FOCAD: variants seen among roughly 807,000 people sequenced by gnomAD.
The protein encoded by FOCAD is KIAA1797.
A neutral mutation model predicts 225.6 loss-of-function variants in FOCAD; 198 were observed. The observed-to-expected ratio is 0.88, with a 90% CI of 0.78 to 0.99. FOCAD has a LOEUF of 0.99. FOCAD is among the 50% of genes least tolerant of loss of function. FOCAD has a pLI of 0.00. For missense variants in FOCAD, 2,713 were observed against 2,123.6 expected (o/e 1.28, Z -5.46); for synonymous variants, 897 against 755.0 (o/e 1.19, Z -3.08).
At chr9:20,837,838 AC>A (rs1826145493) in intron 15 of FOCAD, among the ~76,000 whole-genome samples, 1 of 152,094 alleles carries the variant, frequency 6.6e-6, no homozygotes, top group Non-Finnish European at 1.5e-5. Context: ...AGACCATCCC[AC>A]CTTCTCCATG....
At chr9:20,775,343 G>T (rs181008354) in intron 8 of FOCAD, among the ~76,000 whole-genome samples, 3 of 152,312 alleles carry the variant, frequency 2.0e-5, no homozygotes, top group African/African-American at 7.2e-5. Context: ...AGCTCTCGAA[G>T]TGAAGAATGA....
Position 20,819,885 on chromosome 9 carries a change from G to A in FOCAD, c.1545G>A (p.Lys515=). The change falls in exon 12 of 44, where the codon AAG becomes AAA. Residue 515 remains lysine, a synonymous_variant. Transcript: ENST00000338382. The stretch of plus-strand genomic sequence containing the variant: ...ATGATATATTGTATACTTTACCTAA[G>A]CTTGGTGTTCACAAGGTTAGTATGT... The part of the protein sequence containing the change: ...LYNDILYTLP[K]LGVHKVCIGQ... The A allele has an allele frequency of 1.3e-6, 2 of 1,531,490 alleles. No individual in the cohort carries two copies. The highest frequency in any genetic ancestry group is 1.4e-5 in the African/African-American group (1 of 71,022). The allele number at this position is 1,531,490 out of a possible 1,614,324, so 94.9% of individuals were successfully genotyped here. A position where few individuals can be genotyped will look rare whatever the true frequency, so the allele number is the denominator to read the frequency against.
chr9:20,827,477 A>G (rs1374338328), intron 15 of FOCAD, among the ~76,000 whole-genome samples: 1 of 151,938 alleles, frequency 6.6e-6, no homozygotes, highest in Non-Finnish European at 1.5e-5. Flanking sequence ...AGACAAATGG[A>G]TAAAGAAAAT....
chr9:20,680,737 C>A (rs150040691), upstream of FOCAD, among the ~76,000 whole-genome samples: 3 of 151,922 alleles, frequency 2.0e-5, no homozygotes, highest in Admixed American at 2.0e-4. Flanking sequence ...GAGGCCGAGG[C>A]GGGAGGATAA....
chr9:20,901,392 A>G lies in FOCAD; in HGVS notation c.2626-5758A>G, dbSNP rs142098986. 6.1e-3 allele frequency among the ~76,000 whole-genome samples: 929 copies of G among 152,010 alleles called. 4 individuals are homozygous for G. Among genetic ancestry groups the G allele is most frequent in the African/African-American group, 0.021 (883 of 41,496 alleles). On this transcript the variant is annotated intron_variant, in intron 21 of 43. Coordinates refer to ENST00000338382, the MANE Select transcript of FOCAD (RefSeq NM_001375567.1). ...AAAATTAACAGCAAATACTTAGTTT[A>G]CTTGTCAATTTTTACATGCTACTCT...
At chr9:20,965,245 G>A (rs1033155860) in intron 35 of FOCAD, among the ~76,000 whole-genome samples, 5 of 152,090 alleles carry the variant, frequency 3.3e-5, no homozygotes, top group Admixed American at 1.3e-4. Flanking sequence ...GGAGTGGCAG[G>A]GCCAATGTCT....
rs59290932 is a variant in FOCAD at position 20,944,765 on chromosome 9, G to A, written c.3546G>A (p.Thr1182=). 3.4e-3 allele frequency: 5,527 copies of A among 1,611,116 alleles called. 151 individuals are homozygous for A. In the African/African-American group the frequency reaches 0.061, roughly 18 times the overall value. ...ATGACAGCGGGAGCCAGAGCAGAACGTTTCAGGAGGTAAGAGATGGAGGCT... is the reference window on the plus strand; with the variant it reads ...ATGACAGCGGGAGCCAGAGCAGAACATTTCAGGAGGTAAGAGATGGAGGCT... ...HVDDSGSQSR[T]FQEVLAYTLS... is the part of the protein sequence containing the mutation. The change falls in exon 29 of 44, where the codon ACG becomes ACA. Residue 1182 remains threonine (T), a synonymous_variant. Coordinates refer to ENST00000338382, the MANE Select transcript of FOCAD (RefSeq NM_001375567.1).
intron 11 of FOCAD, among the ~76,000 whole-genome samples, chr9:20,815,148 T>TTTTTTTTTTTTTTTTTTTTTTC (rs1823582534): frequency 7.8e-6 from 1 of 128,612 alleles, no homozygotes; most frequent in Non-Finnish European, 1.7e-5. Flanking sequence ...TTTTTTTTTT[T>TTTTTTTTTTTTTTTTTTTTTTC]TTTTTTGAGA....
Position 20,882,013 on chromosome 9 carries a change from G to C in FOCAD, c.2460G>C (p.Met820Ile), listed in dbSNP as rs1830708143. 2.5e-6 allele frequency: 4 copies of C among 1,613,774 alleles called. No homozygotes were observed. The African/African-American group carries it at 4.0e-5, about 16-fold the overall frequency. ...GAATCCCCAATTTTATATTGAAAAT[G>C]TATGAAACAAACAAGCAACCAGGAC... ...VAGIPNFILKMYETNKQPGLK... is the reference protein window; with the variant it reads ...VAGIPNFILKIYETNKQPGLK... Residue 820 changes from methionine to isoleucine, a missense_variant, in exon 20 of 44, where the codon ATG (methionine) becomes ATC (isoleucine). By Grantham distance (10) the Met-to-Ile change is conservative. Transcript: ENST00000338382.
At chr9:20,862,826 A>C in intron 16 of FOCAD, 114 bp downstream of exon 16, 1 of 1,243,910 alleles carries the variant, frequency 8.0e-7, no homozygotes, top group Non-Finnish European at 1.1e-6. Context: ...TTGTTCTGAG[A>C]CCATGTTGAT....
chr9:20,686,956 A>G (rs1280872512), intron 1 of FOCAD, among the ~76,000 whole-genome samples: 2 of 151,994 alleles, frequency 1.3e-5, no homozygotes, highest in Non-Finnish European at 2.9e-5. Context: ...ATGGATTGAA[A>G]TGTAGTTTTT....
At chr9:20,880,379 A>G (rs1455575920) in intron 19 of FOCAD, among the ~76,000 whole-genome samples, 1 of 152,284 alleles carries the variant, frequency 6.6e-6, no homozygotes, top group South Asian at 2.1e-4. Context: ...AATGCAGGCA[A>G]CCTGTAGCAA....
At chr9:20,858,611 CTTTA>C (rs1300905438) in intron 15 of FOCAD, among the ~76,000 whole-genome samples, 2 of 151,884 alleles carry the variant, frequency 1.3e-5, no homozygotes, top group African/African-American at 4.8e-5. Context: ...CTGCTCTGAT[CTTTA>C]TTTCTTTTGT....
At chr9:20,672,090 C>T (rs1822081106) in intron 2 of FOCAD, among the ~76,000 whole-genome samples, 1 of 151,810 alleles carries the variant, frequency 6.6e-6, no homozygotes, top group African/African-American at 2.4e-5. Context: ...GGGAACCATA[C>T]TCTACTTTTG....
chr9:20,878,498 GT>G (rs1830410565), intron 19 of FOCAD, among the ~76,000 whole-genome samples: 1 of 152,188 alleles, frequency 6.6e-6, no homozygotes, highest in Non-Finnish European at 1.5e-5. Flanking sequence ...TCACCATTAA[GT>G]AGCCTTGTAC....
intron 5 of FOCAD, among the ~76,000 whole-genome samples, chr9:20,748,759 C>T (rs1344625564): frequency 6.6e-6 from 1 of 152,062 alleles, no homozygotes; most frequent in Non-Finnish European, 1.5e-5. Context: ...TTCTTCTTTT[C>T]CACTCAGGAA....
At chr9:20,889,151 T>G (rs1831391448) in intron 21 of FOCAD, among the ~76,000 whole-genome samples, 1 of 152,230 alleles carries the variant, frequency 6.6e-6, no homozygotes, top group Non-Finnish European at 1.5e-5. Context: ...TGTCCTTAGC[T>G]TTCAGCAGCC....
chr9:20,757,827 A>G (rs1257598812), intron 5 of FOCAD, among the ~76,000 whole-genome samples: 1 of 152,144 alleles, frequency 6.6e-6, no homozygotes, highest in African/African-American at 2.4e-5. Flanking sequence ...TGTTAAATGG[A>G]AGAGTCCATT....
intron 8 of FOCAD, among the ~76,000 whole-genome samples, chr9:20,773,651 T>C (rs1363022297): frequency 6.6e-6 from 1 of 152,166 alleles, no homozygotes; most frequent in Non-Finnish European, 1.5e-5. Context: ...TTCTTTATAG[T>C]TTTGTCATCT....
Sources: allele counts gnomAD v4.1 joint callset (sites outside exome capture counted in the v4.1 genomes callset), GRCh38; gene constraint gnomAD v4.1.1; transcripts MANE v1.5; gene names NCBI Gene and HGNC (gene_info 2026-07-23, HGNC 2026-07-21).